RAB6B: variants seen among roughly 807,000 people sequenced by gnomAD.
RAB6B encodes the protein ras-related protein Rab-6B.
A neutral mutation model predicts 31.2 loss-of-function variants in RAB6B; 7 were observed. The observed-to-expected ratio is 0.22, with a 90% confidence interval of 0.13 to 0.42. The LOEUF (loss-of-function observed/expected upper bound fraction) is 0.42, where lower values mean the gene tolerates loss of function less well. RAB6B is among the 10% of genes least tolerant of loss of function. The probability of loss-of-function intolerance (pLI) is 1.00; values close to 1 mark genes in which losing one functional copy is unlikely to be tolerated. For missense variants in RAB6B, 149 were observed against 280.6 expected, an observed-to-expected ratio of 0.53 and a Z score of 3.35; for synonymous variants, 105 against 104.9, an observed-to-expected ratio of 1.00 and a Z score of -0.01.
intron 2 of RAB6B, among the ~76,000 whole-genome samples, chr3:133,861,656 T>C (rs1936162792): frequency 6.6e-6 from 1 of 152,270 alleles, no homozygotes; most frequent in South Asian, 2.1e-4. Flanking sequence ...CAGGCCACTT[T>C]CTTCTGCCTC....
At chr3:133,838,072 C>G in intron 6 of RAB6B, 94 bp downstream of exon 6, 1 of 1,300,932 alleles carries the variant, frequency 7.7e-7, no homozygotes, top group Non-Finnish European at 1.1e-6. Flanking sequence ...CCATCACCAG[C>G]CCTTCAGGGC....
chr3:133,867,786 C>G (rs1172807957), intron 1 of RAB6B, among the ~76,000 whole-genome samples: 20 of 152,196 alleles, frequency 1.3e-4, no homozygotes, highest in Admixed American at 1.3e-3. Flanking sequence ...GTTTTAACAT[C>G]TGGGGCCCAG....
intron 1 of RAB6B, among the ~76,000 whole-genome samples, chr3:133,868,483 GCT>G (rs1255073309): frequency 3.9e-5 from 6 of 152,244 alleles, no homozygotes; most frequent in Admixed American, 2.6e-4. Context: ...CCTCCTGCCA[GCT>G]CTGTTCTCAA....
chr3:133,882,761 T>C (rs970491522), intron 1 of RAB6B, among the ~76,000 whole-genome samples: 1 of 152,186 alleles, frequency 6.6e-6, no homozygotes, highest in South Asian at 2.1e-4. Flanking sequence ...TGCTACATGA[T>C]AGAGGCAGGA....
At position 133,895,627 on chromosome 3, in the gene RAB6B, C is replaced by G. The variant is rs965239946; in HGVS notation, c.-161G>C. The G allele has an allele frequency of 9.1e-6, 6 of 656,588 alleles. No homozygotes were observed. Among genetic ancestry groups the G allele is most frequent in the Non-Finnish European group, 1.0e-5 (4 of 387,318 alleles). The allele number at this position is 656,588 out of a possible 1,614,324, so 40.7% of individuals were successfully genotyped here. On this transcript the variant is annotated 5_prime_UTR_variant, in exon 1 of 8. Transcript: ENST00000285208. Reference sequence around the variant, plus strand: ...CTCCCCAGCTGCGTCCCGGTCCCGGCCTGCGGCTGCGTGTCCGGCGGCGGA... The same window carrying G: ...CTCCCCAGCTGCGTCCCGGTCCCGGGCTGCGGCTGCGTGTCCGGCGGCGGA...
intron 7 of RAB6B, among the ~76,000 whole-genome samples, chr3:133,829,119 G>C (rs1935618597): frequency 6.6e-6 from 1 of 152,096 alleles, no homozygotes; most frequent in African/African-American, 2.4e-5. Flanking sequence ...CCAAGGCCAG[G>C]GAGTCCCTTT....
At chr3:133,839,198 T>C (rs1255743005) in intron 5 of RAB6B, among the ~76,000 whole-genome samples, 1 of 152,236 alleles carries the variant, frequency 6.6e-6, no homozygotes, top group Non-Finnish European at 1.5e-5. Flanking sequence ...GGGGCAGGGC[T>C]GTGGCCATGG....
At chr3:133,859,591 G>A (rs1330594425) in intron 2 of RAB6B, among the ~76,000 whole-genome samples, 1 of 152,212 alleles carries the variant, frequency 6.6e-6, no homozygotes, top group Non-Finnish European at 1.5e-5. Context: ...TGTTTGTTAA[G>A]GTCATGCTGC....
Position 133,828,665 on chromosome 3 carries a change from CA to C in RAB6B, c.*122del, listed in dbSNP as rs979270880. 1 of 594,112 alleles carries C rather than the reference CA, an allele frequency of 1.7e-6. No individual in the cohort carries two copies. Among genetic ancestry groups the C allele is most frequent in the African/African-American group, 1.9e-5 (1 of 52,494 alleles). 36.8% of individuals were successfully genotyped at this position (594,112 alleles called of 1,614,324 possible). A position where few individuals can be genotyped will look rare whatever the true frequency, so the allele number is the denominator to read the frequency against. ...CCCCATCCCACCCTACTCCTAAAGACAGAGAGAAAAGAAAAATCCTCCCATC... is the reference window on the plus strand; with the variant it reads ...CCCCATCCCACCCTACTCCTAAAGACGAGAGAAAAGAAAAATCCTCCCATC... On this transcript the variant is annotated 3_prime_UTR_variant, in exon 8 of 8. Transcript: ENST00000285208.
At chr3:133,887,890 C>T (rs1480492229) in intron 1 of RAB6B, among the ~76,000 whole-genome samples, 2 of 152,120 alleles carry the variant, frequency 1.3e-5, no homozygotes, top group Non-Finnish European at 2.9e-5. Flanking sequence ...ATTTAGCTGC[C>T]CCCATAGGCT....
In RAB6B at chr3:133,824,290, A is replaced by G. The variant is rs1297333794; in HGVS notation, c.*4498T>C. ...TTGACCAACATGCTGAGTCTTTTCC[A>G]CATTTTACACAGTTTAATGTGAAAT... On this transcript the variant is annotated 3_prime_UTR_variant, in exon 8 of 8. Coordinates refer to ENST00000285208, the MANE Select transcript of RAB6B (RefSeq NM_016577.4). 1 of 152,212 alleles carries G rather than the reference A, an allele frequency of 6.6e-6. No individual in the cohort carries two copies. The highest frequency in any genetic ancestry group is 6.5e-5 in the Admixed American group (1 of 15,282). The allele number at this position is 152,212 out of a possible 1,614,324, so 9.4% of individuals were successfully genotyped here. A position where few individuals can be genotyped will look rare whatever the true frequency, so the allele number is the denominator to read the frequency against.
chr3:133,841,262 C>G (rs900001411), intron 4 of RAB6B, 23 bp downstream of exon 4: 10 of 1,613,580 alleles, frequency 6.2e-6, no homozygotes, highest in Non-Finnish European at 8.5e-6. Context: ...GCCACCCTCC[C>G]TTAGGAGCAG....
chr3:133,845,489 G>A (rs1935897026), intron 2 of RAB6B, among the ~76,000 whole-genome samples: 1 of 152,184 alleles, frequency 6.6e-6, no homozygotes, highest in Admixed American at 6.5e-5. Context: ...GATCTTGGAA[G>A]GAAATCCCAG....
rs571232712 is a variant in RAB6B at position 133,892,486 on chromosome 3, C to T, written c.70+2911G>A. Among the ~76,000 whole-genome samples, 10 of 152,258 alleles carry T rather than the reference C, an allele frequency of 6.6e-5. No homozygotes were observed. The East Asian group carries it at 9.7e-4, about 15-fold the overall frequency. On this transcript the variant is annotated intron_variant, in intron 1 of 7. Transcript: ENST00000285208. Reference sequence around the variant, plus strand: ...TCTTCAAAGACCTGATGTCCACCTGCGATTATCTGGCCCAGGGTGTGCTCC... The same window carrying T: ...TCTTCAAAGACCTGATGTCCACCTGTGATTATCTGGCCCAGGGTGTGCTCC...
chr3:133,826,045 A>T lies in RAB6B; in HGVS notation c.*2743T>A, dbSNP rs1935556967. On this transcript the variant is annotated 3_prime_UTR_variant, in exon 8 of 8. Coordinates refer to ENST00000285208, the MANE Select transcript of RAB6B (RefSeq NM_016577.4). The stretch of plus-strand genomic sequence containing the variant: ...GGGACAGGGATGGTGCCTGCTCAAG[A>T]CAAAAATCAGGGAACCAACAACTTC... The T allele has an allele frequency of 6.6e-6, 1 of 152,268 alleles. No individual in the cohort carries two copies. Among genetic ancestry groups the T allele is most frequent in the African/African-American group, 2.4e-5 (1 of 41,460 alleles). 9.4% of individuals were successfully genotyped at this position (152,268 alleles called of 1,614,324 possible).
intron 2 of RAB6B, among the ~76,000 whole-genome samples, chr3:133,863,574 A>C (rs538379598): frequency 6.2e-4 from 94 of 152,322 alleles, no homozygotes; most frequent in African/African-American, 2.0e-3. Context: ...CTTTCAGTAA[A>C]TCAAAACTAT....
At chr3:133,854,077 C>A (rs572961990) in intron 2 of RAB6B, among the ~76,000 whole-genome samples, 60 of 152,322 alleles carry the variant, frequency 3.9e-4, no homozygotes, top group African/African-American at 1.4e-3. Flanking sequence ...ATAAGGCACA[C>A]TGGCAAATAA....
intron 1 of RAB6B, among the ~76,000 whole-genome samples, chr3:133,874,939 G>A (rs112106833): frequency 3.9e-4 from 60 of 152,136 alleles, no homozygotes; most frequent in Non-Finnish European, 6.8e-4. Flanking sequence ...AGGTCTTCAA[G>A]GGCAGTAACA....
At position 133,853,840 on chromosome 3, in the gene RAB6B, G is replaced by A. The variant is rs190646959; in HGVS notation, c.129+10744C>T. Among the ~76,000 whole-genome samples the A allele has an allele frequency of 1.6e-4, 25 of 152,320 alleles. No individual in the cohort carries two copies. In the South Asian group the frequency reaches 2.7e-3, roughly 16 times the overall value. On this transcript the variant is annotated intron_variant, in intron 2 of 7. Transcript: ENST00000285208. ...TAATGCATACTCTGTGATATGCTGCGTAAACAAAGATTATGAATTGTTATT... is the reference window on the plus strand; with the variant it reads ...TAATGCATACTCTGTGATATGCTGCATAAACAAAGATTATGAATTGTTATT...
Sources: allele counts gnomAD v4.1 joint callset (sites outside exome capture counted in the v4.1 genomes callset), GRCh38; gene constraint gnomAD v4.1.1; transcripts MANE v1.5; gene names NCBI Gene and HGNC (gene_info 2026-07-23, HGNC 2026-07-21).